CTIF: variants seen among roughly 807,000 people sequenced by gnomAD.
CTIF encodes the protein cap binding complex dependent translation initiation factor, also known as CBP80/20-dependent translation initiation factor.
In CTIF, 21 loss-of-function variants were observed where a neutral mutation model predicts 66.0. The ratio of observed to expected loss-of-function variants is 0.32; its 90% CI spans 0.23 to 0.46. The LOEUF (loss-of-function observed/expected upper bound fraction) is 0.46, where lower values mean the gene tolerates loss of function less well. Among genes scored for constraint, CTIF ranks in the 20% least tolerant of loss-of-function variants. The pLI, the probability that CTIF is intolerant of heterozygous loss-of-function variation, is 1.00. For synonymous variants in CTIF, 345 were observed against 326.4 expected (o/e 1.06, Z -0.62); for missense variants, 739 against 812.7 (o/e 0.91, Z 1.10).
chr18:48,563,113 G>A (rs542032455), intron 1 of CTIF, among the ~76,000 whole-genome samples: 4 of 152,318 alleles, frequency 2.6e-5, no homozygotes, highest in East Asian at 1.9e-4. Flanking sequence ...GCTGCAGACC[G>A]GCCCTTTCTT....
chr18:48,789,903 G>A (rs1377014100), intron 9 of CTIF, among the ~76,000 whole-genome samples: 1 of 152,230 alleles, frequency 6.6e-6, no homozygotes, highest in African/African-American at 2.4e-5. Context: ...AGATGCTAGA[G>A]CCTGGCCCCT....
intron 5 of CTIF, among the ~76,000 whole-genome samples, chr18:48,668,106 C>T (rs1297304797): frequency 6.6e-6 from 1 of 152,224 alleles, no homozygotes; most frequent in South Asian, 2.1e-4. Flanking sequence ...CTGGGGAGAT[C>T]TGAGCCCTGA....
At chr18:48,854,727 C>A (rs1479224151) in intron 10 of CTIF, among the ~76,000 whole-genome samples, 1 of 152,062 alleles carries the variant, frequency 6.6e-6, no homozygotes. Context: ...TCAAGATCAG[C>A]CTGGGCAACA....
At chr18:48,676,567 C>T (rs982386151) in intron 6 of CTIF, among the ~76,000 whole-genome samples, 1 of 152,128 alleles carries the variant, frequency 6.6e-6, no homozygotes, top group East Asian at 1.9e-4. Flanking sequence ...ACTCAGGAGC[C>T]CTTTGCTGTG....
At chr18:48,595,863 T>C (rs1229578139) in intron 1 of CTIF, among the ~76,000 whole-genome samples, 1 of 152,072 alleles carries the variant, frequency 6.6e-6, no homozygotes, top group African/African-American at 2.4e-5. Flanking sequence ...AGCTCATGTG[T>C]GTGGGTGGTG....
At chr18:48,613,502 G>C (rs2090346270) in intron 1 of CTIF, among the ~76,000 whole-genome samples, 1 of 152,170 alleles carries the variant, frequency 6.6e-6, no homozygotes, top group Admixed American at 6.5e-5. Flanking sequence ...GTCTAGGGTG[G>C]GGAGGGGACG....
chr18:48,815,775 T>G lies in CTIF; in HGVS notation c.1372-1446T>G, dbSNP rs553101507. ...GATGCTGAGATTCTGGTGCCAAGGA[T>G]GCTTGGCTGAAGTCAGCAGTGGTGT... On this transcript the variant is annotated intron_variant, in intron 9 of 11. Transcript: ENST00000256413. Among the ~76,000 whole-genome samples the G allele has an allele frequency of 2.8e-4, 42 of 152,234 alleles. 1 individual carries two copies. Among genetic ancestry groups the G allele is most frequent in the Admixed American group, 1.6e-3 (24 of 15,292 alleles).
chr18:48,680,140 C>T (rs1001079702), intron 6 of CTIF, among the ~76,000 whole-genome samples: 3 of 152,198 alleles, frequency 2.0e-5, no homozygotes, highest in Non-Finnish European at 4.4e-5. Context: ...AGGGAGTTCC[C>T]AGGATCTCCC....
chr18:48,681,233 G>C (rs8097566), intron 6 of CTIF, among the ~76,000 whole-genome samples: 4,108 of 152,350 alleles, frequency 0.027, 188 homozygotes, highest in African/African-American at 0.093. Flanking sequence ...ATACAGCCAG[G>C]GGGGCTGGGG....
At chr18:48,725,786 G>A (rs1174782316) in intron 7 of CTIF, among the ~76,000 whole-genome samples, 1 of 152,080 alleles carries the variant, frequency 6.6e-6, no homozygotes, top group East Asian at 1.9e-4. Flanking sequence ...GTGAGGGTGG[G>A]TATATGTCAT....
chr18:48,849,817 A>G (rs1472989752), intron 10 of CTIF, among the ~76,000 whole-genome samples: 3 of 151,748 alleles, frequency 2.0e-5, no homozygotes, highest in African/African-American at 4.8e-5. Flanking sequence ...ATCTCTTGAC[A>G]TCGTGATCCA....
chr18:48,622,812 G>A (rs527474443), intron 2 of CTIF, among the ~76,000 whole-genome samples: 1 of 152,262 alleles, frequency 6.6e-6, no homozygotes, highest in Admixed American at 6.5e-5. Flanking sequence ...CAGGGCCTGT[G>A]GATGGGCATA....
At chr18:48,672,311 C>T (rs1308211229) in intron 6 of CTIF, among the ~76,000 whole-genome samples, 2 of 151,984 alleles carry the variant, frequency 1.3e-5, no homozygotes, top group African/African-American at 4.8e-5. Context: ...GGTCAGCTGG[C>T]CTAGCTATTA....
intron 7 of CTIF, among the ~76,000 whole-genome samples, chr18:48,729,847 A>T (rs1386834915): frequency 6.6e-6 from 1 of 152,164 alleles, no homozygotes; most frequent in Non-Finnish European, 1.5e-5. Flanking sequence ...AGGCATGAGG[A>T]AAGATTGTGA....
At chr18:48,668,622 G>A (rs2091474668) in intron 5 of CTIF, among the ~76,000 whole-genome samples, 2 of 151,674 alleles carry the variant, frequency 1.3e-5, no homozygotes, top group Admixed American at 1.3e-4. Flanking sequence ...CTTGCACCCT[G>A]ACCCCTAACA....
At chr18:48,635,642 T>C (rs924115989) in intron 2 of CTIF, among the ~76,000 whole-genome samples, 2 of 152,182 alleles carry the variant, frequency 1.3e-5, no homozygotes, top group African/African-American at 2.4e-5. Context: ...TTATGTATCA[T>C]GCAGGGTGTA....
chr18:48,789,996 A>G (rs1008465475), intron 9 of CTIF, among the ~76,000 whole-genome samples: 1 of 152,172 alleles, frequency 6.6e-6, no homozygotes, highest in Non-Finnish European at 1.5e-5. Context: ...TAGGTGTCTC[A>G]TCTATAAAAT....
intron 1 of CTIF, among the ~76,000 whole-genome samples, chr18:48,572,257 T>A (rs1385287385): frequency 6.6e-6 from 1 of 152,160 alleles, no homozygotes; most frequent in Non-Finnish European, 1.5e-5. Flanking sequence ...ATCAATTTAT[T>A]ATAAATGTTA....
chr18:48,743,989 A>G (rs1344684206), intron 7 of CTIF, among the ~76,000 whole-genome samples: 3 of 152,136 alleles, frequency 2.0e-5, no homozygotes, highest in Non-Finnish European at 4.4e-5. Flanking sequence ...TTATAGGCCC[A>G]CCCCTGAGAG....
Sources: gnomAD v4.1 joint callset for allele counts (sites outside exome capture counted in the v4.1 genomes callset) on GRCh38, gnomAD v4.1.1 for gene constraint, MANE v1.5 for transcripts, NCBI Gene and HGNC (gene_info 2026-07-23, HGNC 2026-07-21) for gene names.